The following BMPER variants were observed in gnomAD, a reference collection of about 807,000 sequenced individuals.
BMPER encodes the protein BMP binding endothelial regulator.
In BMPER, 45 loss-of-function variants were observed where a neutral mutation model predicts 87.3. That is an observed-to-expected ratio of 0.52 (90% CI 0.41 to 0.66). BMPER has a LOEUF of 0.66. Among genes scored for constraint, BMPER ranks in the 30% least tolerant of loss-of-function variants. BMPER has a pLI of 0.00. For missense variants in BMPER, 784 were observed against 867.5 expected (o/e 0.90, Z 1.21); for synonymous variants, 326 against 316.2 (o/e 1.03, Z -0.33).
At position 33,988,439 on chromosome 7, in the gene BMPER, A is replaced by G. The variant is rs182886666; in HGVS notation, c.576+13655A>G. 1.1e-4 allele frequency among the ~76,000 whole-genome samples: 16 copies of G among 152,296 alleles called. No homozygotes were observed. In the East Asian group the frequency reaches 2.7e-3, roughly 26 times the overall value. ...GAATGGACAGAACATATGCCCAGAA[A>G]AACATCAGATTGTAAGAGAATTTTT... On this transcript the variant is annotated intron_variant, in intron 6 of 14. Transcript: ENST00000649409.
In BMPER at chr7:33,970,316, TTC is replaced by T. The variant is rs561194354; in HGVS notation, c.403-11_403-10del. 9.7e-5 allele frequency: 156 copies of T among 1,612,012 alleles called. 1 individual carries two copies. The African/African-American group carries it at 1.9e-3, about 20-fold the overall frequency. On this transcript the variant is annotated splice_polypyrimidine_tract_variant and intron_variant, in intron 4 of 14. Transcript: ENST00000649409. ...TTCTGGGCTGACTTTGCTTGTTTTGTTCTGTGTTTCAGGAGGGCGTTGTCACA... is the reference window on the plus strand; with the variant it reads ...TTCTGGGCTGACTTTGCTTGTTTTGTTGTGTTTCAGGAGGGCGTTGTCACA...
chr7:34,142,804 A>C (rs1347628641), intron 13 of BMPER, among the ~76,000 whole-genome samples: 3 of 152,248 alleles, frequency 2.0e-5, no homozygotes, highest in Non-Finnish European at 4.4e-5. Context: ...TGCTTGTCAC[A>C]AGATGGCGAT....
chr7:34,055,088 G>T, intron 8 of BMPER, 75 bp from the exon 9 acceptor site: 1 of 1,598,942 alleles, frequency 6.3e-7, no homozygotes, highest in Non-Finnish European at 8.6e-7. Context: ...TATGAGTTAT[G>T]AAAGGAAGGC....
chr7:34,017,839 A>G (rs1028196568), intron 6 of BMPER, among the ~76,000 whole-genome samples: 3 of 151,786 alleles, frequency 2.0e-5, no homozygotes, highest in Admixed American at 6.6e-5. Flanking sequence ...GTTGATTGGT[A>G]TAGAAGCCTG....
At chr7:33,964,382 A>G (rs117863561) in intron 3 of BMPER, among the ~76,000 whole-genome samples, 140 of 152,290 alleles carry the variant, frequency 9.2e-4, no homozygotes, top group Middle Eastern at 3.4e-3. Context: ...CCATCATTTG[A>G]GAAGGTTTGT....
chr7:33,905,763 GAGGGACCGGCCCTCCGGGACGCCGGT>G lies in BMPER; in HGVS notation c.133+18_133+43del. 1 of 1,561,490 alleles carries G rather than the reference GAGGGACCGGCCCTCCGGGACGCCGGT, an allele frequency of 6.4e-7. No homozygotes were observed. Among genetic ancestry groups the G allele is most frequent in the Non-Finnish European group, 8.8e-7 (1 of 1,137,290 alleles). On this transcript the variant is annotated intron_variant, in intron 1 of 14. Coordinates refer to ENST00000649409, the MANE Select transcript of BMPER (RefSeq NM_001365308.1). ...TCTTGACAGGTAGGGGAGGGGGCGG[GAGGGACCGGCCCTCCGGGACGCCGGT>G]TTGGTACCTGGGAAAGGTGGCGCTG...
chr7:34,133,021 G>C (rs1790633619), intron 13 of BMPER, among the ~76,000 whole-genome samples: 1 of 152,134 alleles, frequency 6.6e-6, no homozygotes, highest in Non-Finnish European at 1.5e-5. Context: ...TCCTGATACA[G>C]AGCTCCTAAG....
rs1012024452 is a variant in BMPER, at chr7:33,974,727, T to C, written c.519T>C (p.Tyr173=). 2 of 1,614,022 alleles carry C rather than the reference T, an allele frequency of 1.2e-6. No homozygotes were observed. Among genetic ancestry groups the C allele is most frequent in the Non-Finnish European group, 1.7e-6 (2 of 1,179,986 alleles). Residue 173 remains tyrosine (Y), a synonymous_variant, in exon 6 of 15, where the codon TAT becomes TAC. Coordinates refer to ENST00000649409, the MANE Select transcript of BMPER (RefSeq NM_001365308.1). ...GCTGTGTGTTTGAGGGTGTGCAGTA[T>C]CAAGAAGGGGAGGAATTTCAGCCAG... The part of the protein sequence containing the change: ...CPGCVFEGVQ[Y]QEGEEFQPEG...
At chr7:33,916,766 C>T (rs1338413505) in intron 2 of BMPER, among the ~76,000 whole-genome samples, 4 of 152,174 alleles carry the variant, frequency 2.6e-5, no homozygotes, top group Non-Finnish European at 5.9e-5. Flanking sequence ...TCTCTGTCAG[C>T]TCCATAGCTT....
At chr7:34,079,207 C>T (rs1230630273) in intron 12 of BMPER, 21 bp downstream of exon 12, 2 of 1,612,962 alleles carry the variant, frequency 1.2e-6, no homozygotes, top group South Asian at 1.1e-5. Flanking sequence ...TGTGGCCTCC[C>T]TCTTGCTCTA....
chr7:33,973,222 A>G (rs1785593870), intron 5 of BMPER, among the ~76,000 whole-genome samples: 1 of 152,172 alleles, frequency 6.6e-6, no homozygotes, highest in African/African-American at 2.4e-5. Context: ...CGTGTGACAA[A>G]ATCAGTGCTA....
chr7:34,129,666 A>AAGAGAAAGAAAGAAAGAAAGAC (rs1491454304), intron 13 of BMPER, among the ~76,000 whole-genome samples: 1 of 151,020 alleles, frequency 6.6e-6, no homozygotes, highest in African/African-American at 2.5e-5. Context: ...GAAAGAAAGA[A>AAGAGAAAGAAAGAAAGAAAGAC]AGAAAGAAAG....
At chr7:34,088,636 C>T (rs534978054) in intron 13 of BMPER, among the ~76,000 whole-genome samples, 35 of 152,236 alleles carry the variant, frequency 2.3e-4, no homozygotes, top group South Asian at 1.9e-3. Flanking sequence ...CATCCTTTAT[C>T]GAAAGAACTG....
intron 13 of BMPER, among the ~76,000 whole-genome samples, chr7:34,098,871 G>C (rs1440381666): frequency 6.6e-6 from 1 of 152,182 alleles, no homozygotes; most frequent in Non-Finnish European, 1.5e-5. Context: ...GGACAGCTGA[G>C]TTTGGTATTT....
intron 6 of BMPER, among the ~76,000 whole-genome samples, chr7:33,985,133 A>G (rs1785968398): frequency 6.6e-6 from 1 of 152,246 alleles, no homozygotes; most frequent in African/African-American, 2.4e-5. Context: ...CTTGTGCCAC[A>G]TATAAAGCAT....
chr7:33,940,064 G>C (rs1226847286), intron 3 of BMPER: 3 of 209,714 alleles, frequency 1.4e-5, no homozygotes, highest in African/African-American at 4.6e-5. Context: ...ATGCTCATAG[G>C]AGAAGCCTCA....
At chr7:33,952,295 A>T (rs73314400) in intron 3 of BMPER, among the ~76,000 whole-genome samples, 4 of 152,164 alleles carry the variant, frequency 2.6e-5, no homozygotes, top group Non-Finnish European at 5.9e-5. Context: ...TGAAGAGTAA[A>T]CTGCTCAGCA....
At chr7:34,070,897 A>C (rs1788720798) in intron 11 of BMPER, among the ~76,000 whole-genome samples, 1 of 151,302 alleles carries the variant, frequency 6.6e-6, no homozygotes, top group South Asian at 2.1e-4. Flanking sequence ...AAACACATCA[A>C]GAAATGCTGG....
At chr7:34,065,103 G>A (rs758308809) in intron 11 of BMPER, among the ~76,000 whole-genome samples, 67 of 151,834 alleles carry the variant, frequency 4.4e-4, no homozygotes, top group Admixed American at 1.2e-3. Flanking sequence ...CTACAAAAAA[G>A]TCTAGTGTTT....
Sources: gnomAD v4.1 joint callset for allele counts (sites outside exome capture counted in the v4.1 genomes callset) on GRCh38, gnomAD v4.1.1 for gene constraint, MANE v1.5 for transcripts, NCBI Gene and HGNC (gene_info 2026-07-23, HGNC 2026-07-21) for gene names.